The following PCDHGA10 variants were observed in gnomAD, a reference collection of about 807,000 sequenced individuals.
The protein encoded by PCDHGA10 is protocadherin gamma-A10.
A neutral mutation model predicts 59.5 loss-of-function variants in PCDHGA10; 42 were observed. That is an observed-to-expected ratio of 0.71 (90% CI 0.55 to 0.91). The LOEUF is 0.91. Ranked by LOEUF, PCDHGA10 falls within the 40% of genes least tolerant of loss-of-function variation. The probability of loss-of-function intolerance (pLI) is 0.00; values close to 1 mark genes in which losing one functional copy is unlikely to be tolerated. For synonymous variants in PCDHGA10, 511 were observed against 517.2 expected (o/e 0.99, Z 0.16); for missense variants, 1,111 against 1,198.2 (o/e 0.93, Z 1.07).
At chr5:141,478,333 G>C in intron 1 of PCDHGA10, 5 of 1,613,928 alleles carry the variant, frequency 3.1e-6, no homozygotes, top group Non-Finnish European at 4.2e-6. Flanking sequence ...GAACACCAGG[G>C]CCCTCCTTGC....
chr5:141,414,752 A>G lies in PCDHGA10; in HGVS notation c.1577A>G (p.Tyr526Cys), dbSNP rs1339630983. The G allele has an allele frequency of 5.6e-6, 9 of 1,614,110 alleles. No individual in the cohort carries two copies. The highest frequency in any genetic ancestry group is 7.6e-6 in the Non-Finnish European group (9 of 1,180,050). ...GVLYALRSFD[Y>C]EQFHELQMQV... The stretch of plus-strand genomic sequence containing the variant: ...CTGTATGCACTCAGATCCTTCGACT[A>G]TGAGCAGTTTCATGAGCTACAGATG... The change falls in exon 1 of 4, where the codon TAT (tyrosine) becomes TGT (cysteine). Residue 526 changes from tyrosine to cysteine, a missense_variant. Tyr to Cys is a radical substitution (Grantham distance 194). Transcript: ENST00000398610.
rs1270447529 is a variant in PCDHGA10 at position 141,490,526 on chromosome 5, C to A, written c.2437-4281C>A. 3 of 1,614,116 alleles carry A rather than the reference C, an allele frequency of 1.9e-6. No homozygotes were observed. Among genetic ancestry groups the A allele is most frequent in the Non-Finnish European group, 2.5e-6 (3 of 1,180,008 alleles). On this transcript the variant is annotated intron_variant, in intron 1 of 3. Transcript: ENST00000398610. This position sits in a 1 kb window ranked among gnomAD's most constrained non-coding sequence, Gnocchi z 5.4. ...ATCATCGAGCTGCTGGCCAGCGATG[C>A]TGGTTCACCTTCCCTACACAAACAT...
intron 2 of PCDHGA10, among the ~76,000 whole-genome samples, chr5:141,505,113 G>A (rs1254889990): frequency 6.6e-6 from 1 of 152,178 alleles, no homozygotes; most frequent in East Asian, 1.9e-4. Context: ...AATGAGCCAA[G>A]ATCGCGCCAC....
intron 1 of PCDHGA10, among the ~76,000 whole-genome samples, chr5:141,469,802 CATT>C (rs2099211643): frequency 6.6e-6 from 1 of 152,022 alleles, no homozygotes; most frequent in Admixed American, 6.6e-5. Context: ...ATTGCAAAAA[CATT>C]GTAGATAGAA....
chr5:141,433,935 T>C (rs2097665519), intron 1 of PCDHGA10, among the ~76,000 whole-genome samples: 1 of 152,150 alleles, frequency 6.6e-6, no homozygotes, highest in African/African-American at 2.4e-5. Context: ...GATTTTATAA[T>C]TCCATTGTTT....
chr5:141,499,408 G>C (rs1178843162), intron 2 of PCDHGA10, among the ~76,000 whole-genome samples: 1 of 151,896 alleles, frequency 6.6e-6, no homozygotes, highest in Non-Finnish European at 1.5e-5. Context: ...GCTCATTATA[G>C]AAACATGAAA....
At chr5:141,419,432 C>T (rs2096381830) in intron 1 of PCDHGA10, 1 of 1,613,278 alleles carries the variant, frequency 6.2e-7, no homozygotes, top group East Asian at 2.2e-5. Flanking sequence ...CCACGAGCAG[C>T]TGCGCACCTT....
At chr5:141,479,964 A>G (rs188553800) in intron 1 of PCDHGA10, among the ~76,000 whole-genome samples, 1 of 152,330 alleles carries the variant, frequency 6.6e-6, no homozygotes, top group East Asian at 1.9e-4. Context: ...AGTTAGTCAA[A>G]TGAGGTTCTA....
chr5:141,421,665 C>T, intron 1 of PCDHGA10: 1 of 1,613,854 alleles, frequency 6.2e-7, no homozygotes, highest in African/African-American at 1.3e-5. Context: ...TCAGTGAGCA[C>T]GCAATTCCTG....
At chr5:141,451,018 C>T (rs1307161489) in intron 1 of PCDHGA10, among the ~76,000 whole-genome samples, 7 of 151,264 alleles carry the variant, frequency 4.6e-5, no homozygotes, top group African/African-American at 1.5e-4. Flanking sequence ...TTAGTAGAGA[C>T]GAGGTTTCAC....
intron 1 of PCDHGA10, chr5:141,423,689 G>T: frequency 7.1e-7 from 1 of 1,400,130 alleles, no homozygotes; most frequent in Non-Finnish European, 9.4e-7. Context: ...CCTCCTAATT[G>T]TTGGTGTCTT....
At position 141,432,266 on chromosome 5, in the gene PCDHGA10, T is replaced by A. The variant is rs1444077446; in HGVS notation, c.2436+16655T>A. The A allele has an allele frequency of 9.3e-6, 15 of 1,614,096 alleles. No individual in the cohort carries two copies. Among genetic ancestry groups the A allele is most frequent in the Admixed American group, 3.3e-5 (2 of 60,010 alleles). The stretch of plus-strand genomic sequence containing the variant: ...CACCATCCAAGGGGCAAGCCTATCG[T>A]CCTACGTGTCCATCAACTCCGACAC... On this transcript the variant is annotated intron_variant, in intron 1 of 3. Transcript: ENST00000398610. The surrounding 1 kb of genome is among the most constrained non-coding windows in gnomAD (Gnocchi z 6.0).
intron 2 of PCDHGA10, among the ~76,000 whole-genome samples, chr5:141,498,601 G>A (rs2099784606): frequency 6.6e-6 from 1 of 152,126 alleles, no homozygotes; most frequent in African/African-American, 2.4e-5. Flanking sequence ...CTTGGTTCAA[G>A]TTCAAGTCAG....
intron 1 of PCDHGA10, chr5:141,421,835 G>T: frequency 6.2e-7 from 1 of 1,613,746 alleles, no homozygotes. Flanking sequence ...AGCCTGGACC[G>T]AGAGAAAGAG....
chr5:141,472,071 A>T (rs1243864250), intron 1 of PCDHGA10, among the ~76,000 whole-genome samples: 5 of 152,200 alleles, frequency 3.3e-5, no homozygotes, highest in South Asian at 2.1e-4. Context: ...GTCTGTGGTT[A>T]TATCAATGAG....
chr5:141,481,026 C>T (rs1315533254), intron 1 of PCDHGA10, among the ~76,000 whole-genome samples: 1 of 152,100 alleles, frequency 6.6e-6, no homozygotes, highest in African/African-American at 2.4e-5. Flanking sequence ...CCACTGCACT[C>T]CAGCCTGGGC....
chr5:141,427,798 T>A, intron 1 of PCDHGA10: 1 of 1,506,550 alleles, frequency 6.6e-7, no homozygotes. Context: ...TACGTGTCCG[T>A]GAGCGCACAG....
chr5:141,477,992 G>T lies in PCDHGA10; in HGVS notation c.2437-16815G>T. The T allele has an allele frequency of 6.2e-7, 1 of 1,614,108 alleles. No individual in the cohort carries two copies. Among genetic ancestry groups the T allele is most frequent in the Non-Finnish European group, 8.5e-7 (1 of 1,180,024 alleles). On this transcript the variant is annotated intron_variant, in intron 1 of 3. Transcript: ENST00000398610. The surrounding 1 kb of genome is among the most constrained non-coding windows in gnomAD (Gnocchi z 4.9). Reference sequence around the variant, plus strand: ...CCTTTTTGCCATAGGGCTGCACACTGGTCAAATCAGTACTGCCCGTCCAGT... The same window carrying T: ...CCTTTTTGCCATAGGGCTGCACACTTGTCAAATCAGTACTGCCCGTCCAGT...
At chr5:141,468,758 C>G (rs929005462) in intron 1 of PCDHGA10, among the ~76,000 whole-genome samples, 1 of 151,802 alleles carries the variant, frequency 6.6e-6, no homozygotes, top group Admixed American at 6.6e-5. Context: ...CCCAGCTACT[C>G]GGGAGGCTGA....
Sources: gnomAD v4.1 joint callset for allele counts (sites outside exome capture counted in the v4.1 genomes callset) on GRCh38, gnomAD v4.1.1 for gene constraint, Gnocchi (gnomAD v3.1) non-coding constraint, MANE v1.5 for transcripts, NCBI Gene and HGNC (gene_info 2026-07-23, HGNC 2026-07-21) for gene names.